Variants in ARB2A observed in about 807,000 individuals in gnomAD.
ARB2A encodes the protein ARB2 cotranscriptional regulator A.
At chr5:93,808,563 A>G in the ARB2A span, among the ~76,000 whole-genome samples, 200 of 152,146 alleles carry the variant, frequency 1.3e-3, 1 homozygote, top group Non-Finnish European at 1.1e-3. Flanking sequence ...TAATGTATTG[A>G]TACAGGAACA....
the ARB2A span, among the ~76,000 whole-genome samples, chr5:94,026,659 C>T: frequency 6.6e-6 from 1 of 152,126 alleles, no homozygotes; most frequent in Non-Finnish European, 1.5e-5. Context: ...GGGTGGGGAT[C>T]AATCAGAGTA....
At chr5:93,804,396 G>GCATA in the ARB2A span, among the ~76,000 whole-genome samples, 1 of 151,888 alleles carries the variant, frequency 6.6e-6, no homozygotes, top group African/African-American at 2.4e-5. Flanking sequence ...ACTTAAGCAA[G>GCATA]CATACATACA....
chr5:93,619,478 A>G, the ARB2A span: 2 of 152,182 alleles, frequency 1.3e-5, no homozygotes. Flanking sequence ...TTTAAGCACG[A>G]AGTGGTTGAT....
chr5:93,637,982 A>C, the ARB2A span, among the ~76,000 whole-genome samples: 2 of 152,020 alleles, frequency 1.3e-5, no homozygotes, highest in Non-Finnish European at 2.9e-5. Flanking sequence ...CCCAATAAAA[A>C]CTCTGGATAC....
the ARB2A span, among the ~76,000 whole-genome samples, chr5:93,888,330 C>T: frequency 5.3e-5 from 8 of 151,866 alleles, no homozygotes; most frequent in African/African-American, 1.4e-4. Flanking sequence ...TATACCCACA[C>T]GTTTATACAT....
the ARB2A span, among the ~76,000 whole-genome samples, chr5:93,755,195 A>G: frequency 2.0e-5 from 3 of 152,226 alleles, no homozygotes; most frequent in Admixed American, 1.3e-4. Flanking sequence ...TTTATACAAG[A>G]TAAGTGAGGC....
the ARB2A span, among the ~76,000 whole-genome samples, chr5:94,080,240 A>G: frequency 6.6e-6 from 1 of 152,190 alleles, no homozygotes; most frequent in African/African-American, 2.4e-5. Flanking sequence ...TGAGCATCAT[A>G]TAAACTACTT....
At chr5:93,914,666 AAATT>A in the ARB2A span, among the ~76,000 whole-genome samples, 1 of 151,976 alleles carries the variant, frequency 6.6e-6, no homozygotes, top group Non-Finnish European at 1.5e-5. Flanking sequence ...GTAAAATACT[AAATT>A]AATTTATATC....
At chr5:93,873,442 A>AAGAAAAGGAAAAGGGGAAGGG in the ARB2A span, among the ~76,000 whole-genome samples, 1 of 151,366 alleles carries the variant, frequency 6.6e-6, no homozygotes, top group African/African-American at 2.4e-5. Flanking sequence ...AGGAAAGGGA[A>AAGAAAAGGAAAAGGGGAAGGG]AGGAAAGGAA....
the ARB2A span, among the ~76,000 whole-genome samples, chr5:93,694,917 T>A: frequency 1.3e-5 from 2 of 152,072 alleles, no homozygotes; most frequent in African/African-American, 4.8e-5. Flanking sequence ...TTGACAAAAA[T>A]GACACAAACA....
chr5:94,082,198 A>G, the ARB2A span, among the ~76,000 whole-genome samples: 1 of 152,162 alleles, frequency 6.6e-6, no homozygotes, highest in African/African-American at 2.4e-5. Context: ...TATCCCTCGC[A>G]TACAAATTCC....
the ARB2A span, among the ~76,000 whole-genome samples, chr5:93,849,605 G>GA: frequency 6.6e-6 from 1 of 151,828 alleles, no homozygotes; most frequent in Non-Finnish European, 1.5e-5. Context: ...GAATAAGACT[G>GA]AAAAAAATCC....
the ARB2A span, among the ~76,000 whole-genome samples, chr5:93,825,118 A>G: frequency 6.6e-6 from 1 of 152,234 alleles, no homozygotes; most frequent in Non-Finnish European, 1.5e-5. Context: ...ATTGTTAAAA[A>G]TGTCCATTGA....
At chr5:93,982,451 G>A in the ARB2A span, among the ~76,000 whole-genome samples, 247 of 152,222 alleles carry the variant, frequency 1.6e-3, 1 homozygote, top group African/African-American at 5.8e-3. Context: ...TTTGCTGAGG[G>A]CCTAAAAGCA....
At chr5:93,683,724 G>C in the ARB2A span, 13 of 1,610,394 alleles carry the variant, frequency 8.1e-6, no homozygotes, top group East Asian at 2.7e-4. Context: ...CCATCGGGTG[G>C]CGGCACGCAC....
At chr5:93,746,086 C>T in the ARB2A span, among the ~76,000 whole-genome samples, 1 of 152,152 alleles carries the variant, frequency 6.6e-6, no homozygotes, top group Non-Finnish European at 1.5e-5. Context: ...CAATTTAGTT[C>T]ACTGGAAACT....
At chr5:93,713,603 T>C in the ARB2A span, among the ~76,000 whole-genome samples, 1 of 152,164 alleles carries the variant, frequency 6.6e-6, no homozygotes, top group Non-Finnish European at 1.5e-5. Flanking sequence ...ACATTGTTGG[T>C]GGGAATGTAA....
the ARB2A span, among the ~76,000 whole-genome samples, chr5:93,642,515 G>A: frequency 1.3e-5 from 2 of 152,130 alleles, no homozygotes; most frequent in African/African-American, 4.8e-5. Context: ...GGGATTACAG[G>A]TGTGCACCAT....
At chr5:93,744,465 G>C in the ARB2A span, among the ~76,000 whole-genome samples, 1 of 70,068 alleles carries the variant, frequency 1.4e-5, no homozygotes, top group Non-Finnish European at 2.8e-5. Flanking sequence ...AAAAAAAAAA[G>C]TAAGGCTATA....
Sources: gnomAD v4.1 joint callset for allele counts (sites outside exome capture counted in the v4.1 genomes callset) on GRCh38, gnomAD v4.1.1 for gene constraint, MANE v1.5 for transcripts, NCBI Gene and HGNC (gene_info 2026-07-23, HGNC 2026-07-21) for gene names.